FSTL4: variants seen among roughly 807,000 people sequenced by gnomAD.
FSTL4 encodes the protein follistatin-related protein 4.
A neutral mutation model predicts 78.2 loss-of-function variants in FSTL4; 28 were observed. That is an observed-to-expected ratio of 0.36 (90% CI 0.27 to 0.49). The LOEUF is 0.49. FSTL4 is among the 20% of genes least tolerant of loss of function. FSTL4 has a pLI of 0.98. For missense variants in FSTL4, 922 were observed against 1,084.9 expected (o/e 0.85, Z 2.11); for synonymous variants, 422 against 440.5 (o/e 0.96, Z 0.53).
intron 4 of FSTL4, among the ~76,000 whole-genome samples, chr5:133,355,211 C>G (rs1267885656): frequency 6.6e-6 from 1 of 152,238 alleles, no homozygotes; most frequent in Non-Finnish European, 1.5e-5. Flanking sequence ...GCTCTAGACA[C>G]TTGAGTGCTC....
chr5:133,471,616 C>T (rs1344175663), intron 3 of FSTL4, among the ~76,000 whole-genome samples: 1 of 152,158 alleles, frequency 6.6e-6, no homozygotes, highest in Non-Finnish European at 1.5e-5. Flanking sequence ...TGATGTTAGA[C>T]TTCTCAGCCA....
intron 13 of FSTL4, among the ~76,000 whole-genome samples, chr5:133,214,533 G>A (rs1234134554): frequency 6.6e-6 from 1 of 152,152 alleles, no homozygotes; most frequent in Non-Finnish European, 1.5e-5. Context: ...TTGTTGCCCA[G>A]CAGTCCTATC....
intron 6 of FSTL4, among the ~76,000 whole-genome samples, chr5:133,283,239 CGTGTGT>C (rs112657706): frequency 0.076 from 11,237 of 148,770 alleles, 628 homozygotes; most frequent in East Asian, 0.28. Flanking sequence ...TTAAGCCTAG[CGTGTGT>C]GTGTGTGTGT....
intron 6 of FSTL4, among the ~76,000 whole-genome samples, chr5:133,271,174 T>C (rs763525932): frequency 2.1e-4 from 32 of 152,192 alleles, no homozygotes; most frequent in Admixed American, 1.2e-3. Flanking sequence ...ATTTGCCCAA[T>C]TGGGGAAGAT....
At chr5:133,712,057 C>T in the FSTL4 span, among the ~76,000 whole-genome samples, 22 of 152,276 alleles carry the variant, frequency 1.4e-4, no homozygotes, top group East Asian at 3.9e-3. Context: ...CCAGGCCGCC[C>T]AAGAACAAGT....
chr5:133,357,907 C>T (rs1333426446), intron 4 of FSTL4, among the ~76,000 whole-genome samples: 3 of 152,216 alleles, frequency 2.0e-5, no homozygotes, highest in Non-Finnish European at 4.4e-5. Flanking sequence ...CCTGTTCTAG[C>T]TGAGTCTGGG....
chr5:133,353,892 G>T (rs917013193), intron 4 of FSTL4, among the ~76,000 whole-genome samples: 2 of 152,194 alleles, frequency 1.3e-5, no homozygotes, highest in Non-Finnish European at 2.9e-5. Context: ...CAGCGTTCTG[G>T]ACATGCGGGG....
chr5:133,325,812 G>A (rs2126902505), intron 4 of FSTL4, among the ~76,000 whole-genome samples: 1 of 152,248 alleles, frequency 6.6e-6, no homozygotes, highest in Non-Finnish European at 1.5e-5. Context: ...AGAGGCCCAG[G>A]GGAGAGACAG....
the FSTL4 span, among the ~76,000 whole-genome samples, chr5:133,674,723 A>C: frequency 6.6e-6 from 1 of 152,180 alleles, no homozygotes; most frequent in African/African-American, 2.4e-5. Context: ...CCTGGCACAC[A>C]GTGGTGCACA....
At position 133,250,253 on chromosome 5, in the gene FSTL4, G is replaced by T. The variant is rs570507441; in HGVS notation, c.728-677C>A. ...TGATCATTCTTCAGGCAAATGGGAA[G>T]AATCTAAGATAGTTCTCTGCAATCA... On this transcript the variant is annotated intron_variant, in intron 6 of 15. Coordinates refer to ENST00000265342, the MANE Select transcript of FSTL4 (RefSeq NM_015082.2). 2.0e-5 allele frequency among the ~76,000 whole-genome samples: 3 copies of T among 152,328 alleles called. No individual in the cohort carries two copies. The South Asian group carries it at 6.2e-4, about 32-fold the overall frequency.
At chr5:133,592,703 G>C (rs944248515) in intron 2 of FSTL4, among the ~76,000 whole-genome samples, 1 of 152,086 alleles carries the variant, frequency 6.6e-6, no homozygotes, top group Non-Finnish European at 1.5e-5. Context: ...GTTCCCAAGA[G>C]AGCTGGCTTT....
At chr5:133,661,669 A>G in the FSTL4 span, among the ~76,000 whole-genome samples, 4 of 152,238 alleles carry the variant, frequency 2.6e-5, no homozygotes, top group African/African-American at 4.8e-5. Flanking sequence ...AGCATGGAAA[A>G]GTATGAAAAG....
chr5:133,523,937 A>T (rs914519337), intron 3 of FSTL4, among the ~76,000 whole-genome samples: 2 of 152,272 alleles, frequency 1.3e-5, no homozygotes, highest in Non-Finnish European at 2.9e-5. Flanking sequence ...AATTGCTGTG[A>T]AGAAGCTAAA....
intron 6 of FSTL4, among the ~76,000 whole-genome samples, chr5:133,277,335 T>C (rs958430198): frequency 2.0e-5 from 3 of 146,430 alleles, no homozygotes; most frequent in Admixed American, 6.8e-5. Flanking sequence ...AAAAGAAAAG[T>C]GGGATGATAA....
chr5:133,425,209 G>A (rs1433607134), intron 3 of FSTL4, among the ~76,000 whole-genome samples: 2 of 149,172 alleles, frequency 1.3e-5, no homozygotes, highest in African/African-American at 5.0e-5. Context: ...TTAACATTAA[G>A]ATTTCTTCAA....
chr5:133,715,375 G>T, the FSTL4 span, among the ~76,000 whole-genome samples: 1 of 152,202 alleles, frequency 6.6e-6, no homozygotes, highest in African/African-American at 2.4e-5. Context: ...TTGATGTCAA[G>T]AATTTTATGC....
At chr5:133,359,808 GC>G (rs1400963016) in intron 4 of FSTL4, among the ~76,000 whole-genome samples, 1 of 152,130 alleles carries the variant, frequency 6.6e-6, no homozygotes, top group Non-Finnish European at 1.5e-5. Context: ...TCTTCTCTGA[GC>G]CCCTTTTCCT....
At chr5:133,405,011 C>T (rs916115612) in intron 3 of FSTL4, among the ~76,000 whole-genome samples, 12 of 152,248 alleles carry the variant, frequency 7.9e-5, no homozygotes, top group African/African-American at 2.7e-4. Flanking sequence ...CCTGCTGGCA[C>T]GTTCTTCCCA....
chr5:133,520,028 C>T (rs1758943495), intron 3 of FSTL4, among the ~76,000 whole-genome samples: 1 of 152,216 alleles, frequency 6.6e-6, no homozygotes, highest in African/African-American at 2.4e-5. Context: ...TGAAAAGAAC[C>T]TGCAGGTGGC....
Sources: allele counts gnomAD v4.1 joint callset (sites outside exome capture counted in the v4.1 genomes callset), GRCh38; gene constraint gnomAD v4.1.1; transcripts MANE v1.5; gene names NCBI Gene and HGNC (gene_info 2026-07-23, HGNC 2026-07-21).